PDZD2: variants seen among roughly 807,000 people sequenced by gnomAD.
PDZD2 encodes PDZ domain containing 2, also known as PDZ domain-containing protein 2.
In PDZD2, 90 loss-of-function variants were observed where a neutral mutation model predicts 220.7. That is an observed-to-expected ratio of 0.41 (90% CI 0.34 to 0.49). The LOEUF (loss-of-function observed/expected upper bound fraction) is 0.49. PDZD2 is among the 20% of genes least tolerant of loss of function. PDZD2 has a pLI of 0.28. For missense variants in PDZD2, 3,174 were observed against 3,608.5 expected (o/e 0.88, Z 3.08); for synonymous variants, 1,375 against 1,450.5 (o/e 0.95, Z 1.18).
chr5:31,856,991 C>A (rs1368017671), intron 2 of PDZD2, among the ~76,000 whole-genome samples: 4 of 151,948 alleles, frequency 2.6e-5, no homozygotes, highest in African/African-American at 9.7e-5. Flanking sequence ...AGTACTCACT[C>A]ACCTTACCTC....
chr5:31,835,443 A>AC (rs33926250), intron 2 of PDZD2, among the ~76,000 whole-genome samples: 130,689 of 151,676 alleles, frequency 0.86, 56,722 homozygotes, highest in Non-Finnish European at 0.91. Flanking sequence ...ACATGATGAA[A>AC]CCTGTCTTTA....
chr5:31,776,122 G>A (rs1752629049), intron 1 of PDZD2, among the ~76,000 whole-genome samples: 1 of 152,150 alleles, frequency 6.6e-6, no homozygotes, highest in Admixed American at 6.5e-5. Flanking sequence ...AAAGGACAAG[G>A]CCTGTGTGAA....
intron 2 of PDZD2, among the ~76,000 whole-genome samples, chr5:31,886,848 C>T (rs1446675983): frequency 1.3e-5 from 2 of 152,148 alleles, no homozygotes; most frequent in African/African-American, 2.4e-5. Context: ...CAGGCGCCTG[C>T]CACCACACCC....
At chr5:31,999,702 A>G (rs540854215) in intron 4 of PDZD2, among the ~76,000 whole-genome samples, 18 of 152,210 alleles carry the variant, frequency 1.2e-4, no homozygotes, top group East Asian at 3.9e-4. Flanking sequence ...AGTGCAGTGC[A>G]TTAGGTAAGG....
chr5:31,665,861 G>A (rs29759), intron 1 of PDZD2, among the ~76,000 whole-genome samples: 148,215 of 152,306 alleles, frequency 0.97, 72,259 homozygotes, highest in East Asian at 1. Context: ...CTGCTAATCA[G>A]ATGGAAGTTT....
intron 6 of PDZD2, among the ~76,000 whole-genome samples, chr5:32,031,835 CT>C (rs1345634363): frequency 2.5e-4 from 38 of 152,294 alleles, no homozygotes; most frequent in African/African-American, 8.7e-4. Context: ...ATTTTTAACT[CT>C]TTAAACATAA....
intron 2 of PDZD2, among the ~76,000 whole-genome samples, chr5:31,803,979 G>A (rs919194125): frequency 5.9e-5 from 9 of 151,514 alleles, no homozygotes; most frequent in Non-Finnish European, 8.8e-5. Flanking sequence ...GTCGATCGAG[G>A]CTGCAGTGAG....
rs16901551 is a variant in PDZD2 at position 31,775,867 on chromosome 5, C to T, written c.-360-23022C>T. On this transcript the variant is annotated intron_variant, in intron 1 of 24. Coordinates refer to ENST00000438447, the MANE Select transcript of PDZD2 (RefSeq NM_178140.4). ...AAAGAGGCTGAGCTTTGTGAGCTTC[C>T]GGTAACAAACCTGGCTCTCCCGGGC... Among the ~76,000 whole-genome samples the T allele has an allele frequency of 9.7e-4, 147 of 152,158 alleles. 1 individual carries two copies. In the East Asian group the frequency reaches 0.019, roughly 20 times the overall value.
chr5:32,032,496 A>G (rs1368094461), intron 6 of PDZD2, among the ~76,000 whole-genome samples: 1 of 152,010 alleles, frequency 6.6e-6, no homozygotes, highest in Non-Finnish European at 1.5e-5. Context: ...GCTTTGGGGG[A>G]GTTCTCTGTG....
chr5:31,786,511 T>G (rs1297200513), intron 1 of PDZD2, among the ~76,000 whole-genome samples: 2 of 152,230 alleles, frequency 1.3e-5, no homozygotes, highest in Non-Finnish European at 2.9e-5. Flanking sequence ...AAACCACCCC[T>G]GGGGCTCCTC....
chr5:31,870,387 T>G (rs77110766), intron 2 of PDZD2, among the ~76,000 whole-genome samples: 3 of 152,188 alleles, frequency 2.0e-5, no homozygotes, highest in East Asian at 1.9e-4. Flanking sequence ...TTGTTTTGAA[T>G]GAAGTATTAT....
chr5:31,718,156 T>A lies in PDZD2; in HGVS notation c.-361+78719T>A, dbSNP rs193145498. ...AGGTAAGACGCTAAGGAGGGCAGGATGCGTGTGTCAAGGAGTGACTTCCCA... is the reference window on the plus strand; with the variant it reads ...AGGTAAGACGCTAAGGAGGGCAGGAAGCGTGTGTCAAGGAGTGACTTCCCA... On this transcript the variant is annotated intron_variant, in intron 1 of 24. Transcript: ENST00000438447. Among the ~76,000 whole-genome samples the A allele has an allele frequency of 8.7e-4, 133 of 152,304 alleles. 1 individual carries two copies. Among genetic ancestry groups the A allele is most frequent in the African/African-American group, 3.1e-3 (127 of 41,570 alleles).
At chr5:32,101,005 G>C (rs778781358) in intron 23 of PDZD2, 100 bp from the exon 24 acceptor site, 31 of 1,590,386 alleles carry the variant, frequency 1.9e-5, no homozygotes, top group Non-Finnish European at 2.4e-5. Context: ...GAGTGTGCCA[G>C]AAGTACATGG....
chr5:31,986,031 C>T (rs997395907), intron 3 of PDZD2, among the ~76,000 whole-genome samples: 2 of 147,664 alleles, frequency 1.4e-5, no homozygotes, highest in Non-Finnish European at 3.0e-5. Flanking sequence ...GCCAAGATCG[C>T]GCCATTGCAC....
At chr5:31,920,388 ACGC>A (rs1172588192) in intron 2 of PDZD2, among the ~76,000 whole-genome samples, 2 of 20,606 alleles carry the variant, frequency 9.7e-5, no homozygotes, top group Non-Finnish European at 1.4e-4. Context: ...CCCATGATCA[ACGC>A]CCCCCCCCCC....
At chr5:31,660,251 T>C (rs912452379) in intron 1 of PDZD2, among the ~76,000 whole-genome samples, 3 of 152,218 alleles carry the variant, frequency 2.0e-5, no homozygotes, top group African/African-American at 7.2e-5. Context: ...AAGTTCTCCT[T>C]AAATATGTCC....
chr5:32,040,317 C>G (rs1311980890), intron 7 of PDZD2, among the ~76,000 whole-genome samples: 1 of 147,958 alleles, frequency 6.8e-6, no homozygotes, highest in Non-Finnish European at 1.5e-5. Context: ...GGCGCCTCTG[C>G]CCAGCTGCCC....
At chr5:31,700,242 T>G (rs1359123373) in intron 1 of PDZD2, among the ~76,000 whole-genome samples, 2 of 152,066 alleles carry the variant, frequency 1.3e-5, no homozygotes, top group Non-Finnish European at 2.9e-5. Context: ...AAGATGATAA[T>G]GCCTGATTTC....
At chr5:31,936,802 A>G (rs1247591768) in intron 2 of PDZD2, among the ~76,000 whole-genome samples, 1 of 152,216 alleles carries the variant, frequency 6.6e-6, no homozygotes, top group South Asian at 2.1e-4. Context: ...TGGATGTATA[A>G]CAGCTGTGAA....
Sources: gnomAD v4.1 joint callset for allele counts (sites outside exome capture counted in the v4.1 genomes callset) on GRCh38, gnomAD v4.1.1 for gene constraint, MANE v1.5 for transcripts, NCBI Gene and HGNC (gene_info 2026-07-23, HGNC 2026-07-21) for gene names.